COLQ: variants seen among roughly 807,000 people sequenced by gnomAD.
COLQ encodes the protein collagen like tail subunit of asymmetric acetylcholinesterase, also known as acetylcholinesterase collagenic tail peptide.
In COLQ, 48 loss-of-function variants were observed where a neutral mutation model predicts 69.0. That is an observed-to-expected ratio of 0.70 (90% confidence interval 0.55 to 0.88). COLQ has a LOEUF of 0.88. Ranked by LOEUF, COLQ falls within the 40% of genes least tolerant of loss-of-function variation. The probability of loss-of-function intolerance (pLI) is 0.00; values close to 1 mark genes in which losing one functional copy is unlikely to be tolerated. For synonymous variants in COLQ, 217 were observed against 211.2 expected (o/e 1.03, Z -0.24); for missense variants, 618 against 594.6 (o/e 1.04, Z -0.41).
At chr3:15,498,707 C>T in intron 1 of COLQ, 3 of 1,543,996 alleles carry the variant, frequency 1.9e-6, no homozygotes, top group South Asian at 1.2e-5. Context: ...TGGGAGTTGG[C>T]CAATCCCTGC....
In COLQ at chr3:15,477,447, T is replaced by A. The variant is rs1001389383; in HGVS notation, c.394-250A>T. On this transcript the variant is annotated intron_variant, in intron 5 of 16. Transcript: ENST00000383788. Reference sequence around the variant, plus strand: ...AGGGACTCTAAACTTCTTGGTTTTTTAATTTTTGTCACTTCTACCCACCCC... The same window carrying A: ...AGGGACTCTAAACTTCTTGGTTTTTAAATTTTTGTCACTTCTACCCACCCC... 53 of 510,748 alleles carry A rather than the reference T, an allele frequency of 1.0e-4. 1 individual carries two copies. The highest frequency in any genetic ancestry group is 3.1e-4 in the East Asian group (9 of 28,996). 31.6% of individuals were successfully genotyped at this position (510,748 alleles called of 1,614,324 possible).
intron 1 of COLQ, among the ~76,000 whole-genome samples, chr3:15,512,699 G>A (rs1406923306): frequency 6.6e-6 from 1 of 151,786 alleles, no homozygotes; most frequent in Non-Finnish European, 1.5e-5. Context: ...AGAGGTTCTG[G>A]AAAGAATGAC....
At chr3:15,463,339 G>T (rs2062150750) in intron 12 of COLQ, among the ~76,000 whole-genome samples, 1 of 151,010 alleles carries the variant, frequency 6.6e-6, no homozygotes, top group Non-Finnish European at 1.5e-5. Context: ...TGTTGTTTTT[G>T]TTGTTTTTTG....
intron 13 of COLQ, among the ~76,000 whole-genome samples, chr3:15,457,645 C>T (rs751451815): frequency 6.7e-6 from 1 of 149,060 alleles, no homozygotes; most frequent in Non-Finnish European, 1.5e-5. Flanking sequence ...CGGAGTCTCG[C>T]TCTGTTGCCC....
intron 1 of COLQ, among the ~76,000 whole-genome samples, chr3:15,491,661 C>A (rs1044144880): frequency 2.6e-5 from 4 of 152,232 alleles, no homozygotes; most frequent in Non-Finnish European, 5.9e-5. Flanking sequence ...TATAAAGACA[C>A]CTTTATTATC....
At chr3:15,475,331 G>T in intron 7 of COLQ, 94 bp downstream of exon 7, 1 of 1,227,556 alleles carries the variant, frequency 8.1e-7, no homozygotes, top group Non-Finnish European at 1.2e-6. Context: ...CCTAGTCCGG[G>T]ACTGCAGCCC....
At chr3:15,453,007 A>T (rs1049076646) in intron 16 of COLQ, among the ~76,000 whole-genome samples, 1 of 152,126 alleles carries the variant, frequency 6.6e-6, no homozygotes, top group African/African-American at 2.4e-5. Flanking sequence ...CAGTAGATCC[A>T]CTCTGGAACC....
intron 11 of COLQ, chr3:15,467,856 T>C (rs1575470034): frequency 2.2e-6 from 1 of 456,726 alleles, no homozygotes; most frequent in Non-Finnish European, 4.4e-6. Context: ...ACCGGCTGCC[T>C]TGTCCACATG....
chr3:15,478,738 T>C (rs752610722), intron 5 of COLQ: 323 of 610,392 alleles, frequency 5.3e-4, no homozygotes, highest in Non-Finnish European at 6.0e-4. Flanking sequence ...TTGGCCAGGC[T>C]TGGCAGCCCC....
At chr3:15,514,693 G>T (rs1330532378) in intron 1 of COLQ, among the ~76,000 whole-genome samples, 2 of 152,188 alleles carry the variant, frequency 1.3e-5, no homozygotes, top group South Asian at 2.1e-4. Context: ...TGCAGAAGAA[G>T]GGGAAGGCAG....
Position 15,451,855 on chromosome 3 carries a change from G to C in COLQ, c.1299-142C>G, listed in dbSNP as rs992660928. ...CTCATTTGGAGTGAGAGGCCTGGGG[G>C]AGTTGAATCATGTCTCTGGGATTTT... On this transcript the variant is annotated intron_variant, in intron 16 of 16. Coordinates refer to ENST00000383788, the MANE Select transcript of COLQ (RefSeq NM_005677.4). 9.3e-6 allele frequency: 7 copies of C among 755,046 alleles called. No individual in the cohort carries two copies. The African/African-American group carries it at 1.0e-4, about 11-fold the overall frequency. The allele number at this position is 755,046 out of a possible 1,614,324, so 46.8% of individuals were successfully genotyped here.
chr3:15,466,016 T>C (rs983430617), intron 12 of COLQ, among the ~76,000 whole-genome samples: 1 of 152,224 alleles, frequency 6.6e-6, no homozygotes, highest in African/African-American at 2.4e-5. Flanking sequence ...CTTGGAGCCA[T>C]GACACTTTTA....
intron 16 of COLQ, among the ~76,000 whole-genome samples, chr3:15,452,648 G>C (rs1559510411): frequency 6.6e-6 from 1 of 152,134 alleles, no homozygotes. Context: ...GAGCCATGAA[G>C]AGCCAACTCT....
chr3:15,489,402 G>T, intron 2 of COLQ, 123 bp downstream of exon 2: 1 of 886,908 alleles, frequency 1.1e-6, no homozygotes, highest in Non-Finnish European at 1.8e-6. Flanking sequence ...ACAGTGGAGG[G>T]TTGAGGCTCT....
chr3:15,470,095 G>A (rs945487670), intron 11 of COLQ, among the ~76,000 whole-genome samples: 12 of 152,150 alleles, frequency 7.9e-5, no homozygotes, highest in African/African-American at 2.7e-4. Flanking sequence ...TTGGAGGCCT[G>A]AGTAGGGAAA....
intron 1 of COLQ, among the ~76,000 whole-genome samples, chr3:15,495,765 A>G (rs1209989431): frequency 1.3e-5 from 2 of 152,158 alleles, no homozygotes; most frequent in African/African-American, 4.8e-5. Flanking sequence ...CATTAATGCC[A>G]ATGTATTCCT....
chr3:15,455,268 T>C (rs749224809), intron 15 of COLQ, among the ~76,000 whole-genome samples: 7 of 152,144 alleles, frequency 4.6e-5, no homozygotes, highest in Non-Finnish European at 8.8e-5. Flanking sequence ...CTGAGGGTGG[T>C]TGGTGTTTCT....
chr3:15,469,226 TC>T (rs1192577534), intron 11 of COLQ, among the ~76,000 whole-genome samples: 1 of 152,102 alleles, frequency 6.6e-6, no homozygotes, highest in Non-Finnish European at 1.5e-5. Flanking sequence ...ACGGAATTAG[TC>T]TCAGCAGGCT....
intron 12 of COLQ, among the ~76,000 whole-genome samples, chr3:15,463,693 T>G (rs2062156332): frequency 6.6e-6 from 1 of 151,684 alleles, no homozygotes; most frequent in Admixed American, 6.6e-5. Flanking sequence ...GCCAAGAGAG[T>G]CCCTTCTGAA....
Sources: allele counts gnomAD v4.1 joint callset (sites outside exome capture counted in the v4.1 genomes callset), GRCh38; gene constraint gnomAD v4.1.1; transcripts MANE v1.5; gene names NCBI Gene and HGNC (gene_info 2026-07-23, HGNC 2026-07-21).